The following DPP10 variants were observed in gnomAD, a reference collection of about 807,000 sequenced individuals.
DPP10 encodes dipeptidyl peptidase like 10.
A neutral mutation model predicts 120.9 loss-of-function variants in DPP10; 33 were observed. That is an observed-to-expected ratio of 0.27 (90% CI 0.21 to 0.37). DPP10 has a LOEUF of 0.37. Ranked by LOEUF, DPP10 falls within the 10% of genes least tolerant of loss-of-function variation. The pLI is 1.00. For synonymous variants in DPP10, 337 were observed against 326.1 expected, an observed-to-expected ratio of 1.03 and a Z score of -0.36; for missense variants, 816 against 942.8, an observed-to-expected ratio of 0.87 and a Z score of 1.76.
chr2:115,667,201 T>A (rs1055122294), intron 5 of DPP10, among the ~76,000 whole-genome samples: 2 of 152,178 alleles, frequency 1.3e-5, no homozygotes, highest in African/African-American at 4.8e-5. Flanking sequence ...AATATGGTTA[T>A]TTGTTTTTAC....
At chr2:114,639,149 TCA>T (rs1329877153) in intron 1 of DPP10, among the ~76,000 whole-genome samples, 2 of 151,874 alleles carry the variant, frequency 1.3e-5, no homozygotes, top group African/African-American at 2.4e-5. Context: ...TTTAATTGAC[TCA>T]CAGTTCCACA....
chr2:114,638,600 A>G (rs536034429), intron 1 of DPP10, among the ~76,000 whole-genome samples: 1 of 151,818 alleles, frequency 6.6e-6, no homozygotes, highest in Non-Finnish European at 1.5e-5. Context: ...AGTCAGAGTG[A>G]CTTTTATTAA....
intron 1 of DPP10, chr2:114,835,365 A>G (rs1448685237): frequency 6.6e-6 from 1 of 151,026 alleles, no homozygotes; most frequent in Non-Finnish European, 1.5e-5. Context: ...TATATATAAG[A>G]CATATCTACA....
intron 1 of DPP10, among the ~76,000 whole-genome samples, chr2:114,932,088 T>A (rs759346022): frequency 4.0e-4 from 61 of 152,226 alleles, no homozygotes; most frequent in Non-Finnish European, 7.6e-4. Flanking sequence ...GTTCATTAAG[T>A]GTCGTCCCCA....
intron 1 of DPP10, among the ~76,000 whole-genome samples, chr2:114,819,407 C>A (rs1250912096): frequency 1.3e-5 from 2 of 152,098 alleles, no homozygotes. Context: ...TAAGTTGTCC[C>A]TAAAGCCCTC....
At chr2:115,840,327 T>G (rs1176577552) in intron 24 of DPP10, among the ~76,000 whole-genome samples, 1 of 116,436 alleles carries the variant, frequency 8.6e-6, no homozygotes, top group African/African-American at 3.4e-5. Flanking sequence ...TGGTTTTTTT[T>G]TTTTTTTTTT....
chr2:114,767,499 G>A (rs1680844375), intron 1 of DPP10, among the ~76,000 whole-genome samples: 1 of 151,970 alleles, frequency 6.6e-6, no homozygotes, highest in South Asian at 2.1e-4. Flanking sequence ...CCATGATGTA[G>A]ACATGTTATA....
intron 4 of DPP10, among the ~76,000 whole-genome samples, chr2:115,510,752 C>G (rs1473076537): frequency 6.6e-6 from 1 of 152,084 alleles, no homozygotes; most frequent in Non-Finnish European, 1.5e-5. Context: ...GCTACACTAA[C>G]AAGGTTCTGA....
At chr2:115,161,991 C>T (rs1281576071) in intron 1 of DPP10, 52 of 1,397,168 alleles carry the variant, frequency 3.7e-5, no homozygotes, top group Non-Finnish European at 4.2e-5. Context: ...CAGCCCACCC[C>T]GGGGGCCAGG....
intron 1 of DPP10, among the ~76,000 whole-genome samples, chr2:114,606,195 AC>A (rs911467765): frequency 4.6e-5 from 7 of 152,084 alleles, no homozygotes; most frequent in Admixed American, 3.9e-4. Flanking sequence ...TGATCTATAC[AC>A]TTAATAAGCC....
chr2:115,239,733 C>A (rs2058177762), intron 1 of DPP10, among the ~76,000 whole-genome samples: 1 of 152,076 alleles, frequency 6.6e-6, no homozygotes, highest in Non-Finnish European at 1.5e-5. Context: ...GGTATTTCTC[C>A]TAATGCTATC....
At chr2:114,495,262 T>C (rs1408428457) in intron 1 of DPP10, among the ~76,000 whole-genome samples, 1 of 152,198 alleles carries the variant, frequency 6.6e-6, no homozygotes, top group Non-Finnish European at 1.5e-5. Context: ...TGCTGAGTTT[T>C]CATTTTGCTT....
At chr2:114,798,897 G>A (rs967411953) in intron 1 of DPP10, among the ~76,000 whole-genome samples, 1 of 152,178 alleles carries the variant, frequency 6.6e-6, no homozygotes, top group African/African-American at 2.4e-5. Context: ...GGGAGGCCGA[G>A]GAGGGTGGAT....
chr2:114,459,236 G>GC (rs1192109360), intron 1 of DPP10, among the ~76,000 whole-genome samples: 1 of 152,154 alleles, frequency 6.6e-6, no homozygotes, highest in African/African-American at 2.4e-5. Context: ...CTCTTGTTCA[G>GC]CAGGACATTG....
chr2:115,103,237 G>A (rs1303911592), intron 1 of DPP10, among the ~76,000 whole-genome samples: 4 of 147,660 alleles, frequency 2.7e-5, no homozygotes, highest in African/African-American at 1.0e-4. Context: ...GCCCAGGCTG[G>A]AGTGCAGTGG....
intron 1 of DPP10, among the ~76,000 whole-genome samples, chr2:115,115,100 G>T (rs942507647): frequency 6.6e-6 from 1 of 152,010 alleles, no homozygotes; most frequent in African/African-American, 2.4e-5. Context: ...GCACATATCC[G>T]ATATGTGTGT....
intron 5 of DPP10, among the ~76,000 whole-genome samples, chr2:115,627,663 G>C (rs1397141841): frequency 6.6e-6 from 1 of 151,994 alleles, no homozygotes; most frequent in Non-Finnish European, 1.5e-5. Flanking sequence ...TTAGCTGTTT[G>C]TCTTAATGCT....
At chr2:114,968,557 A>G (rs1384472938) in intron 1 of DPP10, among the ~76,000 whole-genome samples, 1 of 152,182 alleles carries the variant, frequency 6.6e-6, no homozygotes, top group East Asian at 1.9e-4. Flanking sequence ...TGGTTTCTGC[A>G]TTTAGATGCT....
At chr2:115,162,563 G>A (rs886219075) in intron 1 of DPP10, among the ~76,000 whole-genome samples, 3 of 152,146 alleles carry the variant, frequency 2.0e-5, no homozygotes, top group Non-Finnish European at 2.9e-5. Context: ...TGGGGATGGG[G>A]GAAGAGTGTC....
Sources: allele counts gnomAD v4.1 joint callset (sites outside exome capture counted in the v4.1 genomes callset), GRCh38; gene constraint gnomAD v4.1.1; transcripts MANE v1.5; gene names NCBI Gene and HGNC (gene_info 2026-07-23, HGNC 2026-07-21).